Variants in MINDY4 observed in about 807,000 individuals in gnomAD.
The protein encoded by MINDY4 is MINDY lysine 48 deubiquitinase 4.
Under a neutral mutation model 87.0 loss-of-function variants are expected in MINDY4, and 68 were observed. The observed-to-expected ratio is 0.78, with a 90% CI of 0.64 to 0.96. MINDY4 has a LOEUF of 0.96. Among genes scored for constraint, MINDY4 ranks in the 40% least tolerant of loss-of-function variants. MINDY4 has a pLI of 0.00. For synonymous variants in MINDY4, 379 were observed against 363.2 expected (o/e 1.04, Z -0.50); for missense variants, 919 against 928.2 (o/e 0.99, Z 0.13).
At chr7:30,879,166 A>G (rs1790381697) in intron 15 of MINDY4, among the ~76,000 whole-genome samples, 1 of 152,224 alleles carries the variant, frequency 6.6e-6, no homozygotes, top group Non-Finnish European at 1.5e-5. Context: ...GAATGTATTA[A>G]TAACTGTATT....
In MINDY4 at chr7:30,791,241, A is replaced by G. The variant is rs1204129945; in HGVS notation, c.740A>G (p.Lys247Arg). ...ACCCAACCCCAAGAAGAGAGCCGGA[A>G]GGTCCCTGAGCTCTTTGTCTGCACC... The part of the protein sequence containing the change: ...SSTQPQEESR[K>R]VPELFVCTQQ... The change falls in exon 5 of 18, where the codon AAG (lysine) becomes AGG (arginine). Residue 247 changes from lysine (K) to arginine (R), a missense_variant. Lys to Arg is a conservative substitution (Grantham distance 26, BLOSUM62 2). Transcript: ENST00000265299. 6.2e-7 allele frequency: 1 copy of G among 1,614,174 alleles called. No individual in the cohort carries two copies. The highest frequency in any genetic ancestry group is 1.1e-5 in the South Asian group (1 of 91,080).
intron 9 of MINDY4, among the ~76,000 whole-genome samples, chr7:30,842,163 A>G (rs570036065): frequency 8.5e-5 from 13 of 152,228 alleles, no homozygotes; most frequent in African/African-American, 3.1e-4. Context: ...TCTCCAACCA[A>G]AAATGCTAAT....
chr7:30,891,062 C>G (rs1400109354), intron 17 of MINDY4, among the ~76,000 whole-genome samples: 1 of 152,136 alleles, frequency 6.6e-6, no homozygotes, highest in Admixed American at 6.5e-5. Context: ...TGTCTGTTCC[C>G]TGCCCAAACC....
intron 13 of MINDY4, among the ~76,000 whole-genome samples, chr7:30,869,150 G>A (rs1055317005): frequency 1.3e-5 from 2 of 152,194 alleles, no homozygotes; most frequent in Non-Finnish European, 2.9e-5. Flanking sequence ...GAGGGCCCAG[G>A]GTCATCCAGC....
At chr7:30,843,803 C>T (rs1789116462) in intron 9 of MINDY4, among the ~76,000 whole-genome samples, 1 of 152,132 alleles carries the variant, frequency 6.6e-6, no homozygotes, top group Non-Finnish European at 1.5e-5. Context: ...AAGGATGGTG[C>T]AGCCCAGTGG....
chr7:30,866,227 T>C (rs1789930488), intron 13 of MINDY4, among the ~76,000 whole-genome samples: 1 of 152,212 alleles, frequency 6.6e-6, no homozygotes, highest in Non-Finnish European at 1.5e-5. Context: ...CTCCTGCCCC[T>C]ATCCACTCAC....
rs190835257 is a variant in MINDY4 at position 30,883,592 on chromosome 7, G to A, written c.2225+599G>A. Among the ~76,000 whole-genome samples, 323 of 152,322 alleles carry A rather than the reference G, an allele frequency of 2.1e-3. 2 individuals carry two copies. The highest frequency in any genetic ancestry group is 7.5e-3 in the African/African-American group (313 of 41,588). On this transcript the variant is annotated intron_variant, in intron 17 of 17. Coordinates refer to ENST00000265299, the MANE Select transcript of MINDY4 (RefSeq NM_032222.3). ...TCAGGCCAGGGGAGGGGAATGTTCA[G>A]TAACTGGGGTGAGTTGGGGCTCACC... is the stretch of plus-strand genomic sequence containing the variant.
At chr7:30,852,331 G>T in intron 11 of MINDY4, 52 bp downstream of exon 11, 1 of 1,613,144 alleles carries the variant, frequency 6.2e-7, no homozygotes, top group African/African-American at 1.3e-5. Context: ...TTTGGGGACT[G>T]TCTCCTTTCA....
At chr7:30,841,450 T>C (rs1279370418) in intron 9 of MINDY4, among the ~76,000 whole-genome samples, 1 of 152,200 alleles carries the variant, frequency 6.6e-6, no homozygotes, top group Non-Finnish European at 1.5e-5. Flanking sequence ...GAGAGGCAGA[T>C]AGAAAACCCC....
intron 13 of MINDY4, among the ~76,000 whole-genome samples, chr7:30,869,541 C>T (rs980949734): frequency 3.3e-5 from 5 of 152,076 alleles, no homozygotes; most frequent in African/African-American, 4.8e-5. Context: ...ACCTCTCTCC[C>T]GGGCTCGCAG....
At chr7:30,836,624 A>T in intron 6 of MINDY4, 34 bp from the exon 7 acceptor site, 1 of 1,548,694 alleles carries the variant, frequency 6.5e-7, no homozygotes, top group Non-Finnish European at 8.9e-7. Context: ...GTGAGTCATA[A>T]CGAAGGGCTC....
chr7:30,852,495 G>T (rs905810720), intron 11 of MINDY4: 1 of 441,938 alleles, frequency 2.3e-6, no homozygotes, highest in African/African-American at 2.1e-5. Context: ...AGGCTGACTG[G>T]CTTCCTGTCC....
intron 13 of MINDY4, among the ~76,000 whole-genome samples, chr7:30,862,371 C>T (rs564562582): frequency 1.3e-5 from 2 of 152,354 alleles, no homozygotes; most frequent in South Asian, 2.1e-4. Context: ...TGTGGGAGTG[C>T]GCCCGTGAAT....
chr7:30,782,338 ATGTTTGTGTGTG>A, intron 3 of MINDY4, 126 bp downstream of exon 3: 1 of 642,914 alleles, frequency 1.6e-6, no homozygotes, highest in South Asian at 2.0e-5. Flanking sequence ...CTGTGTGTGT[ATGTTTGTGTGTG>A]TGTGTGTGTG....
At chr7:30,843,922 G>A (rs921342597) in intron 9 of MINDY4, among the ~76,000 whole-genome samples, 1 of 152,142 alleles carries the variant, frequency 6.6e-6, no homozygotes, top group Admixed American at 6.5e-5. Flanking sequence ...CAGACCTTAT[G>A]GGGGGGCCTG....
intron 10 of MINDY4, among the ~76,000 whole-genome samples, chr7:30,851,092 TACTGCATATA>T (rs1789400643): frequency 6.6e-6 from 1 of 152,268 alleles, no homozygotes; most frequent in African/African-American, 2.4e-5. Flanking sequence ...GGCCCCATTC[TACTGCATATA>T]ACCCACATGC....
chr7:30,805,953 G>A (rs1787793641), intron 5 of MINDY4, among the ~76,000 whole-genome samples: 1 of 152,176 alleles, frequency 6.6e-6, no homozygotes, highest in African/African-American at 2.4e-5. Context: ...GGGCTTGGGT[G>A]GGGCCCGGAA....
chr7:30,798,589 C>T (rs1453808881), intron 5 of MINDY4, among the ~76,000 whole-genome samples: 4 of 152,232 alleles, frequency 2.6e-5, no homozygotes, highest in South Asian at 2.1e-4. Flanking sequence ...CTCCGCCTCC[C>T]GGGTTCACGC....
intron 5 of MINDY4, among the ~76,000 whole-genome samples, chr7:30,793,756 G>A (rs576952344): frequency 6.6e-5 from 10 of 152,192 alleles, no homozygotes; most frequent in African/African-American, 2.4e-4. Context: ...GAGGAAAAAG[G>A]GTAAAGCTGA....
Sources: allele counts gnomAD v4.1 joint callset (sites outside exome capture counted in the v4.1 genomes callset), GRCh38; gene constraint gnomAD v4.1.1; transcripts MANE v1.5; gene names NCBI Gene and HGNC (gene_info 2026-07-23, HGNC 2026-07-21).